Variants in ULK4 observed in about 807,000 individuals in gnomAD.
ULK4 encodes unc-51 like kinase 4.
A neutral mutation model predicts 160.6 loss-of-function variants in ULK4; 133 were observed. The ratio of observed to expected loss-of-function variants is 0.83; its 90% CI spans 0.72 to 0.96. The LOEUF (loss-of-function observed/expected upper bound fraction) is 0.96, where lower values mean the gene tolerates loss of function less well. ULK4 is among the 40% of genes least tolerant of loss of function. The pLI, the probability that ULK4 is intolerant of heterozygous loss-of-function variation, is 0.00. For missense variants in ULK4, 1,580 were observed against 1,499.5 expected, an observed-to-expected ratio of 1.05 and a Z score of -0.89; for synonymous variants, 534 against 539.8, an observed-to-expected ratio of 0.99 and a Z score of 0.15.
chr3:41,706,840 A>T (rs1427935359), intron 25 of ULK4, among the ~76,000 whole-genome samples: 8,563 of 130,628 alleles, frequency 0.066, 1,082 homozygotes, highest in African/African-American at 0.29. Context: ...AAAAAAAAAA[A>T]AAAAAAATAT....
intron 30 of ULK4, among the ~76,000 whole-genome samples, chr3:41,626,505 C>T (rs2033514259): frequency 6.7e-6 from 1 of 149,560 alleles, no homozygotes; most frequent in Non-Finnish European, 1.5e-5. Flanking sequence ...TGAGTCAATA[C>T]TTTTCATGTA....
chr3:41,568,343 T>C (rs993416873), intron 31 of ULK4, among the ~76,000 whole-genome samples: 32 of 152,266 alleles, frequency 2.1e-4, no homozygotes, highest in African/African-American at 7.5e-4. Flanking sequence ...CTTCAGAAAA[T>C]GACATCTGAG....
chr3:41,884,045 G>T, intron 16 of ULK4, 93 bp from the exon 17 acceptor site: 1 of 868,368 alleles, frequency 1.2e-6, no homozygotes, highest in Non-Finnish European at 1.9e-6. Flanking sequence ...ATGAGCATTA[G>T]ATATAAGACT....
At chr3:41,548,008 G>A (rs2086923414) in intron 32 of ULK4, among the ~76,000 whole-genome samples, 1 of 152,120 alleles carries the variant, frequency 6.6e-6, no homozygotes, top group Non-Finnish European at 1.5e-5. Context: ...CAGTAACAGG[G>A]CTATTGCATA....
At chr3:41,661,342 T>G (rs117928973) in intron 30 of ULK4, among the ~76,000 whole-genome samples, 2 of 151,438 alleles carry the variant, frequency 1.3e-5, no homozygotes. Flanking sequence ...ACTATCTAGG[T>G]TTTTTTTTAG....
chr3:41,278,234 T>G (rs569012216), intron 35 of ULK4: 1 of 152,254 alleles, frequency 6.6e-6, no homozygotes, highest in East Asian at 1.9e-4. Flanking sequence ...TGCAGCCCGG[T>G]TGGGGGAGGG....
chr3:41,497,595 T>C (rs1246135192), intron 32 of ULK4, among the ~76,000 whole-genome samples: 1 of 152,108 alleles, frequency 6.6e-6, no homozygotes, highest in African/African-American at 2.4e-5. Flanking sequence ...CCTAGGCAAG[T>C]TAAAAGTCAA....
chr3:41,573,005 T>C lies in ULK4; in HGVS notation c.3121-6875A>G, dbSNP rs973420712. ...GCAATCCCACTACACTTTAAGATTA[T>C]GACGAAAATATTTAACTCCTTCATC... On this transcript the variant is annotated intron_variant, in intron 31 of 36. Coordinates refer to ENST00000301831, the MANE Select transcript of ULK4 (RefSeq NM_017886.4). Among the ~76,000 whole-genome samples, 4 of 152,254 alleles carry C rather than the reference T, an allele frequency of 2.6e-5. No individual in the cohort carries two copies. In the East Asian group the frequency reaches 7.8e-4, roughly 30 times the overall value.
In ULK4 at chr3:41,727,489, T is replaced by C. The variant is rs545487791; in HGVS notation, c.2322-9628A>G. On this transcript the variant is annotated intron_variant, in intron 22 of 36. Transcript: ENST00000301831. ...GAGAAAACCTCTCGACAGGATGTCA[T>C]TGAAGCAGAGACCAGAAGGGGTAAA... 5.9e-5 allele frequency among the ~76,000 whole-genome samples: 9 copies of C among 152,324 alleles called. No homozygotes were observed. In the South Asian group the frequency reaches 6.2e-4, roughly 11 times the overall value.
chr3:41,773,823 A>T (rs2039500798), intron 21 of ULK4, among the ~76,000 whole-genome samples: 1 of 152,178 alleles, frequency 6.6e-6, no homozygotes, highest in Non-Finnish European at 1.5e-5. Context: ...TTCAAACTAT[A>T]CTACAAGGCT....
At chr3:41,670,649 G>A (rs2035508130) in intron 29 of ULK4, among the ~76,000 whole-genome samples, 1 of 151,598 alleles carries the variant, frequency 6.6e-6, no homozygotes, top group South Asian at 2.1e-4. Context: ...ACTTTTTTAA[G>A]TAAAAGAAAT....
At chr3:41,406,317 A>T (rs1335837621) in intron 34 of ULK4, among the ~76,000 whole-genome samples, 1 of 152,110 alleles carries the variant, frequency 6.6e-6, no homozygotes, top group Non-Finnish European at 1.5e-5. Context: ...ATTCTGTTTC[A>T]TTGGTCTATG....
intron 11 of ULK4, among the ~76,000 whole-genome samples, chr3:41,909,400 A>C (rs1442200658): frequency 6.6e-6 from 1 of 152,176 alleles, no homozygotes; most frequent in Non-Finnish European, 1.5e-5. Context: ...AGGAGGTTCT[A>C]AAAAGTTAAA....
chr3:41,286,934 A>G (rs1448673905), intron 35 of ULK4, among the ~76,000 whole-genome samples: 1 of 152,198 alleles, frequency 6.6e-6, no homozygotes, highest in Non-Finnish European at 1.5e-5. Flanking sequence ...TAGGGACCAG[A>G]AGACTACAGG....
chr3:41,720,976 G>A (rs898387945), intron 22 of ULK4, among the ~76,000 whole-genome samples: 2 of 152,050 alleles, frequency 1.3e-5, no homozygotes, highest in Non-Finnish European at 2.9e-5. Context: ...TAGCAAAAGG[G>A]AACTGGTTAA....
intron 27 of ULK4, among the ~76,000 whole-genome samples, chr3:41,692,084 T>TG (rs1452029843): frequency 6.6e-6 from 1 of 150,968 alleles, no homozygotes; most frequent in Non-Finnish European, 1.5e-5. Flanking sequence ...CCCAAGTGGC[T>TG]GGGACTACAG....
chr3:41,700,836 A>G (rs968733718), intron 27 of ULK4, among the ~76,000 whole-genome samples: 3 of 152,204 alleles, frequency 2.0e-5, no homozygotes, highest in African/African-American at 7.2e-5. Flanking sequence ...TAAGTCACGC[A>G]CTAGAAAATA....
At chr3:41,832,095 T>C (rs1216251798) in intron 18 of ULK4, among the ~76,000 whole-genome samples, 1 of 152,202 alleles carries the variant, frequency 6.6e-6, no homozygotes, top group Non-Finnish European at 1.5e-5. Context: ...AAATGGTATT[T>C]CTGGTTCTAG....
intron 27 of ULK4, 31 bp from the exon 28 acceptor site, chr3:41,681,835 C>T (rs761104283): frequency 8.7e-6 from 14 of 1,610,956 alleles, no homozygotes; most frequent in Non-Finnish European, 1.2e-5. Flanking sequence ...GACTCAGAAT[C>T]TCTATGAACA....
Sources: allele counts gnomAD v4.1 joint callset (sites outside exome capture counted in the v4.1 genomes callset), GRCh38; gene constraint gnomAD v4.1.1; transcripts MANE v1.5; gene names NCBI Gene and HGNC (gene_info 2026-07-23, HGNC 2026-07-21).